The following PCDHGA4 variants were observed in gnomAD, a reference collection of about 807,000 sequenced individuals.
The protein encoded by PCDHGA4 is protocadherin gamma-A4.
PCDHGA4 carries 38 observed loss-of-function variants against 54.6 expected under a neutral mutation model. The ratio of observed to expected loss-of-function variants is 0.70; its 90% CI spans 0.54 to 0.91. PCDHGA4 has a LOEUF of 0.91. Among genes scored for constraint, PCDHGA4 ranks in the 40% least tolerant of loss-of-function variants. The probability of loss-of-function intolerance (pLI) is 0.00; values close to 1 mark genes in which losing one functional copy is unlikely to be tolerated. For synonymous variants in PCDHGA4, 511 were observed against 512.9 expected (o/e 1.00, Z 0.05); for missense variants, 1,298 against 1,220.9 (o/e 1.06, Z -0.94).
At chr5:141,480,525 A>G (rs191522157) in intron 1 of PCDHGA4, among the ~76,000 whole-genome samples, 131 of 152,310 alleles carry the variant, frequency 8.6e-4, no homozygotes, top group African/African-American at 2.6e-3. Context: ...AAAAATGACA[A>G]AGTAGAAGCA....
rs372827164 is a variant in PCDHGA4, at chr5:141,394,334, C to T, written c.2514+36713C>T. On this transcript the variant is annotated intron_variant, in intron 1 of 3. Coordinates refer to ENST00000571252, the MANE Select transcript of PCDHGA4 (RefSeq NM_018917.4). The stretch of plus-strand genomic sequence containing the variant: ...CGCCCCTGTCCTCGTATATCTCCAT[C>T]AACTCTGACACCGGTGTCCTGTATG... The T allele has an allele frequency of 1.2e-3, 1,991 of 1,614,118 alleles. 3 individuals carry two copies. The highest frequency in any genetic ancestry group is 1.6e-3 in the Non-Finnish European group (1,898 of 1,179,978).
rs768648952 is a variant in PCDHGA4 at position 141,477,230 on chromosome 5, G to C, written c.2515-17577G>C. 6.2e-7 allele frequency: 1 copy of C among 1,614,046 alleles called. No homozygotes were observed. Among genetic ancestry groups the C allele is most frequent in the East Asian group, 2.2e-5 (1 of 44,890 alleles). ...GGATGCCCCTCTGGGGACTGTCATC[G>C]CTTTGCTCAGTGTGACTGACCTGGA... On this transcript the variant is annotated intron_variant, in intron 1 of 3. Transcript: ENST00000571252. The surrounding 1 kb of genome is among the most constrained non-coding windows in gnomAD (Gnocchi z 4.9).
At chr5:141,399,146 G>C (rs758823968) in intron 1 of PCDHGA4, 1 of 1,613,792 alleles carries the variant, frequency 6.2e-7, no homozygotes, top group South Asian at 1.1e-5. Context: ...AATGACAATA[G>C]CCCAGAAGTT....
chr5:141,382,081 G>A (rs933434638), intron 1 of PCDHGA4, among the ~76,000 whole-genome samples: 12 of 151,852 alleles, frequency 7.9e-5, no homozygotes, highest in Non-Finnish European at 1.6e-4. Context: ...CGCCCGCCTC[G>A]GCCTCACAAA....
intron 1 of PCDHGA4, chr5:141,409,877 G>A: frequency 6.2e-7 from 1 of 1,612,860 alleles, no homozygotes; most frequent in Non-Finnish European, 8.5e-7. Context: ...CAATGACAAC[G>A]CACCGCGGGT....
intron 1 of PCDHGA4, among the ~76,000 whole-genome samples, chr5:141,471,046 CTTTT>C (rs1170588345): frequency 5.3e-5 from 6 of 113,264 alleles, no homozygotes; most frequent in Admixed American, 9.3e-5. Context: ...CCCAAGCCCT[CTTTT>C]TTTTTTTTTT....
At chr5:141,450,067 T>C (rs1007808503) in intron 1 of PCDHGA4, among the ~76,000 whole-genome samples, 4 of 147,604 alleles carry the variant, frequency 2.7e-5, no homozygotes, top group African/African-American at 1.0e-4. Context: ...AATGCAGTGG[T>C]ATGATCTTGG....
intron 1 of PCDHGA4, among the ~76,000 whole-genome samples, chr5:141,461,231 T>C (rs1042368465): frequency 6.6e-5 from 10 of 152,068 alleles, no homozygotes; most frequent in African/African-American, 2.4e-4. Context: ...TCCATAGAGG[T>C]TGTACTAATT....
At chr5:141,403,758 T>C (rs1022850868) in intron 1 of PCDHGA4, 18 of 1,613,804 alleles carry the variant, frequency 1.1e-5, no homozygotes, top group Non-Finnish European at 1.4e-5. Flanking sequence ...GCCAGCGACC[T>C]GGATGAGGGA....
intron 1 of PCDHGA4, chr5:141,478,935 A>G: frequency 1.6e-6 from 1 of 638,574 alleles, no homozygotes. Flanking sequence ...GGCAGCTTCT[A>G]GGAATACAAA....
At chr5:141,394,096 G>C in intron 1 of PCDHGA4, 1 of 1,613,822 alleles carries the variant, frequency 6.2e-7, no homozygotes, top group African/African-American at 1.3e-5. Context: ...TCAGATCTAG[G>C]AACACCACCT....
chr5:141,412,559 GTTTA>G (rs2095563108), intron 1 of PCDHGA4: 1 of 152,224 alleles, frequency 6.6e-6, no homozygotes, highest in Admixed American at 6.5e-5. Flanking sequence ...TATCTCATGA[GTTTA>G]TTTAATATAA....
At chr5:141,405,364 C>T in intron 1 of PCDHGA4, 1 of 1,613,548 alleles carries the variant, frequency 6.2e-7, no homozygotes, top group Non-Finnish European at 8.5e-7. Flanking sequence ...TAGAAGACAC[C>T]CCTTTGGTTC....
At position 141,421,819 on chromosome 5, in the gene PCDHGA4, G is replaced by C. The variant is rs752366104; in HGVS notation, c.2514+64198G>C. The C allele has an allele frequency of 3.8e-5, 61 of 1,613,688 alleles. No homozygotes were observed. Among genetic ancestry groups the C allele is most frequent in the Non-Finnish European group, 4.9e-5 (58 of 1,179,892 alleles). ...GGCCAAGAATCCAGAGCTAGTACTG[G>C]AGGGAAGCCTGGACCGAGAGAAAGA... On this transcript the variant is annotated intron_variant, in intron 1 of 3. Coordinates refer to ENST00000571252, the MANE Select transcript of PCDHGA4 (RefSeq NM_018917.4).
chr5:141,429,672 A>G (rs1036863132), intron 1 of PCDHGA4, among the ~76,000 whole-genome samples: 1 of 152,210 alleles, frequency 6.6e-6, no homozygotes, highest in African/African-American at 2.4e-5. Context: ...ATATTATTTT[A>G]TTTTATGCCT....
intron 2 of PCDHGA4, among the ~76,000 whole-genome samples, chr5:141,501,109 C>T (rs909874167): frequency 2.0e-5 from 3 of 152,106 alleles, no homozygotes; most frequent in South Asian, 2.1e-4. Context: ...CCTCGTGATC[C>T]GCCTGCCTCA....
chr5:141,414,686 C>G, intron 1 of PCDHGA4: 4 of 1,614,042 alleles, frequency 2.5e-6, no homozygotes, highest in Non-Finnish European at 3.4e-6. Flanking sequence ...CAGGGGGTAC[C>G]TCTGTCCTCA....
chr5:141,486,828 G>A lies in PCDHGA4; in HGVS notation c.2515-7979G>A, dbSNP rs140257646. 77 of 1,614,218 alleles carry A rather than the reference G, an allele frequency of 4.8e-5. 1 individual carries two copies. In the East Asian group the frequency reaches 1.2e-3, roughly 26 times the overall value. On this transcript the variant is annotated intron_variant, in intron 1 of 3. Transcript: ENST00000571252. This position sits in a 1 kb window ranked among gnomAD's most constrained non-coding sequence, Gnocchi z 5.0. ...CCCCTTAGCAGCACTGTAACAGTTCGTCTATTTGTGCTGGACCTCAATGAC... is the reference window on the plus strand; with the variant it reads ...CCCCTTAGCAGCACTGTAACAGTTCATCTATTTGTGCTGGACCTCAATGAC...
chr5:141,426,718 C>G, intron 1 of PCDHGA4: 1 of 446,166 alleles, frequency 2.2e-6, no homozygotes, highest in Non-Finnish European at 4.6e-6. Flanking sequence ...AATGAACTAG[C>G]AATTCCAGGC....
Sources: gnomAD v4.1 joint callset for allele counts (sites outside exome capture counted in the v4.1 genomes callset) on GRCh38, gnomAD v4.1.1 for gene constraint, Gnocchi (gnomAD v3.1) non-coding constraint, MANE v1.5 for transcripts, NCBI Gene and HGNC (gene_info 2026-07-23, HGNC 2026-07-21) for gene names.